The following MED12L variants were observed in gnomAD, a reference collection of about 807,000 sequenced individuals.
The protein encoded by MED12L is mediator complex subunit 12L.
In MED12L, 60 loss-of-function variants were observed where a neutral mutation model predicts 281.3. That is an observed-to-expected ratio of 0.21 (90% confidence interval 0.17 to 0.26). The LOEUF is 0.26. Ranked by LOEUF, MED12L falls within the 10% of genes least tolerant of loss-of-function variation. The probability of loss-of-function intolerance (pLI) is 1.00; values close to 1 mark genes in which losing one functional copy is unlikely to be tolerated. For synonymous variants in MED12L, 974 were observed against 987.2 expected, an observed-to-expected ratio of 0.99 and a Z score of 0.25; for missense variants, 2,146 against 2,680.9, an observed-to-expected ratio of 0.80 and a Z score of 4.41.
rs139543745 is a variant in MED12L at position 151,151,450 on chromosome 3, G to A, written c.557-4711G>A. On this transcript the variant is annotated intron_variant, in intron 5 of 44. Coordinates refer to ENST00000687756, the MANE Select transcript of MED12L (RefSeq NM_001393769.1). ...TCTTGGCTTTTAACATGCCTTCCTC[G>A]CTGAGCTTAATCATTTCTAGCTTTT... 5.0e-3 allele frequency among the ~76,000 whole-genome samples: 759 copies of A among 152,066 alleles called. 5 individuals carry two copies. Among genetic ancestry groups the A allele is most frequent in the Middle Eastern group, 0.024 (7 of 294 alleles).
intron 16 of MED12L, among the ~76,000 whole-genome samples, chr3:151,293,680 C>T (rs1310828182): frequency 6.9e-6 from 1 of 143,992 alleles, no homozygotes; most frequent in African/African-American, 2.6e-5. Flanking sequence ...CACACACACC[C>T]TCTACCTTCA....
chr3:151,198,777 G>T (rs756671695), intron 16 of MED12L: 1 of 1,613,512 alleles, frequency 6.2e-7, no homozygotes, highest in Admixed American at 1.7e-5. Flanking sequence ...TAGAGCTGTC[G>T]AATTACAAGG....
At chr3:151,197,413 A>T (rs528360930) in intron 16 of MED12L, among the ~76,000 whole-genome samples, 1 of 152,254 alleles carries the variant, frequency 6.6e-6, no homozygotes, top group African/African-American at 2.4e-5. Flanking sequence ...TGCCCACCTC[A>T]GCCTCCCAAA....
At chr3:151,242,453 TG>T (rs1202668320) in intron 16 of MED12L, among the ~76,000 whole-genome samples, 2 of 151,748 alleles carry the variant, frequency 1.3e-5, no homozygotes, top group Non-Finnish European at 2.9e-5. Context: ...CCTCCTCAAG[TG>T]GGTCCCTGAC....
intron 2 of MED12L, among the ~76,000 whole-genome samples, chr3:151,102,508 C>T (rs1317876149): frequency 6.6e-6 from 1 of 152,126 alleles, no homozygotes; most frequent in African/African-American, 2.4e-5. Context: ...CATTCTCTTT[C>T]CCCTCTTTTC....
chr3:151,124,261 TCTC>T (rs1346335355), intron 4 of MED12L, among the ~76,000 whole-genome samples: 4 of 152,244 alleles, frequency 2.6e-5, no homozygotes, highest in Admixed American at 2.0e-4. Context: ...AGTAGTGGTT[TCTC>T]CTCTTGTAGG....
At chr3:151,408,645 C>T (rs1231992981) in intron 39 of MED12L, among the ~76,000 whole-genome samples, 1 of 152,156 alleles carries the variant, frequency 6.6e-6, no homozygotes, top group African/African-American at 2.4e-5. Flanking sequence ...GATTGGTGAA[C>T]AGATGTTAAT....
intron 43 of MED12L, among the ~76,000 whole-genome samples, chr3:151,416,864 C>G (rs1473105112): frequency 6.6e-6 from 1 of 152,208 alleles, no homozygotes; most frequent in Non-Finnish European, 1.5e-5. Flanking sequence ...TTAGCACTTG[C>G]TGCAAGAGTT....
At position 151,411,366 on chromosome 3, in the gene MED12L, C is replaced by T. The variant is rs746378641; in HGVS notation, c.5999C>T (p.Pro2000Leu). The change falls in exon 41 of 45, where the codon CCC becomes CTC. Residue 2000 changes from proline to leucine, a missense_variant. Physicochemically the swap from Pro to Leu is moderately conservative, Grantham distance 98. Transcript: ENST00000687756. ...QQQAGSVVLSPSYNSRAYPAA... is the reference protein window; with the variant it reads ...QQQAGSVVLSLSYNSRAYPAA... ...CAGGCTGGCAGTGTGGTCCTGTCTC[C>T]CAGCTATAACTCCAGAGCCTATCCG... The T allele has an allele frequency of 5.0e-6, 8 of 1,614,040 alleles. No homozygotes were observed. Among genetic ancestry groups the T allele is most frequent in the African/African-American group, 4.0e-5 (3 of 74,902 alleles).
At chr3:151,284,292 T>C (rs1743180339) in intron 16 of MED12L, among the ~76,000 whole-genome samples, 1 of 152,054 alleles carries the variant, frequency 6.6e-6, no homozygotes, top group Non-Finnish European at 1.5e-5. Context: ...GTTTGTTTTT[T>C]TTTTTCTACC....
chr3:151,158,608 G>T, intron 6 of MED12L, 81 bp from the exon 7 acceptor site: 1 of 831,514 alleles, frequency 1.2e-6, no homozygotes, highest in Non-Finnish European at 2.0e-6. Context: ...AGTACAGTTA[G>T]ACTTAAGCAT....
Position 151,195,079 on chromosome 3 carries a change from C to T in MED12L, c.2250+1413C>T, listed in dbSNP as rs556426658. The stretch of plus-strand genomic sequence containing the variant: ...TCAGGAGGCTGAGGCAGGAGAATGG[C>T]GTGAACCCCAGAGGTGGACCTTGCA... On this transcript the variant is annotated intron_variant, in intron 16 of 44. Coordinates refer to ENST00000687756, the MANE Select transcript of MED12L (RefSeq NM_001393769.1). 9.2e-5 allele frequency among the ~76,000 whole-genome samples: 14 copies of T among 152,204 alleles called. No individual in the cohort carries two copies. The East Asian group carries it at 2.3e-3, about 25-fold the overall frequency.
chr3:151,328,815 A>G, intron 16 of MED12L: 5 of 1,613,940 alleles, frequency 3.1e-6, no homozygotes, highest in African/African-American at 1.3e-5. Flanking sequence ...TTTTTGAGGT[A>G]GATGATGAAG....
At chr3:151,087,068 T>G in intron 2 of MED12L, 43 bp downstream of exon 2, 1 of 1,508,228 alleles carries the variant, frequency 6.6e-7, no homozygotes, top group Non-Finnish European at 9.1e-7. Context: ...GGCCGCGCTC[T>G]GCAGCACTGA....
chr3:151,111,423 C>T (rs1041791596), intron 2 of MED12L, among the ~76,000 whole-genome samples: 2 of 152,114 alleles, frequency 1.3e-5, no homozygotes, highest in African/African-American at 4.8e-5. Flanking sequence ...CCCCGTTTTA[C>T]AATTGAGGAA....
chr3:151,240,982 G>A (rs1733955935), intron 16 of MED12L, among the ~76,000 whole-genome samples: 1 of 152,178 alleles, frequency 6.6e-6, no homozygotes, highest in Non-Finnish European at 1.5e-5. Flanking sequence ...AGAATAGAAG[G>A]CCTTTTCCAG....
intron 38 of MED12L, among the ~76,000 whole-genome samples, chr3:151,390,866 G>A (rs1252067439): frequency 6.6e-6 from 1 of 152,142 alleles, no homozygotes; most frequent in Non-Finnish European, 1.5e-5. Flanking sequence ...TTATAGCAGG[G>A]GGAAATCCAT....
intron 16 of MED12L, among the ~76,000 whole-genome samples, chr3:151,205,998 C>T (rs1409321068): frequency 2.0e-5 from 3 of 151,968 alleles, no homozygotes; most frequent in Non-Finnish European, 4.4e-5. Context: ...ACTTCTGCCA[C>T]AGCCTGTGCA....
intron 16 of MED12L, chr3:151,338,914 G>C (rs1348653857): frequency 8.0e-6 from 12 of 1,509,240 alleles, no homozygotes; most frequent in Non-Finnish European, 1.1e-5. Flanking sequence ...TATTATTGCT[G>C]TTATCTCTGT....
Sources: allele counts gnomAD v4.1 joint callset (sites outside exome capture counted in the v4.1 genomes callset), GRCh38; gene constraint gnomAD v4.1.1; transcripts MANE v1.5; gene names NCBI Gene and HGNC (gene_info 2026-07-23, HGNC 2026-07-21).